Variants in CNTN1 observed in about 807,000 individuals in gnomAD.
CNTN1 encodes the protein contactin-1.
A neutral mutation model predicts 126.4 loss-of-function variants in CNTN1; 38 were observed. The observed-to-expected ratio is 0.30, with a 90% CI of 0.23 to 0.39. The LOEUF (loss-of-function observed/expected upper bound fraction) is 0.39, where lower values mean the gene tolerates loss of function less well. CNTN1 is among the 10% of genes least tolerant of loss of function. The pLI is 1.00. For synonymous variants in CNTN1, 413 were observed against 422.6 expected, an observed-to-expected ratio of 0.98 and a Z score of 0.28; for missense variants, 1,009 against 1,248.4, an observed-to-expected ratio of 0.81 and a Z score of 2.89.
chr12:40,771,920 C>A (rs1195976042), intron 1 of CNTN1, among the ~76,000 whole-genome samples: 4 of 151,926 alleles, frequency 2.6e-5, no homozygotes, highest in Admixed American at 2.6e-4. Flanking sequence ...ACACACATAG[C>A]AATTTGGACA....
intron 1 of CNTN1, among the ~76,000 whole-genome samples, chr12:40,899,894 G>T (rs1005158099): frequency 3.3e-5 from 5 of 152,116 alleles, no homozygotes; most frequent in African/African-American, 4.8e-5. Context: ...CAAAATACTG[G>T]TTTTTTAAAT....
intron 1 of CNTN1, among the ~76,000 whole-genome samples, chr12:40,717,340 T>G (rs1182228248): frequency 6.6e-6 from 1 of 152,200 alleles, no homozygotes; most frequent in Non-Finnish European, 1.5e-5. Flanking sequence ...CCTAAAATTA[T>G]AAATAATAAA....
At chr12:40,971,377 C>T (rs887867678) in intron 15 of CNTN1, 9 of 1,444,694 alleles carry the variant, frequency 6.2e-6, no homozygotes, top group Non-Finnish European at 8.5e-6. Flanking sequence ...TGCATGGCTT[C>T]CTGCCCCTAA....
chr12:40,886,360 G>A lies in CNTN1; in HGVS notation c.-76-21997G>A, dbSNP rs1045286382. 3.9e-5 allele frequency among the ~76,000 whole-genome samples: 6 copies of A among 152,180 alleles called. No individual in the cohort carries two copies. In the East Asian group the frequency reaches 1.2e-3, roughly 29 times the overall value. Reference sequence around the variant, plus strand: ...AATATTGATCTATCAAATCCTGTGTGTTGGTTTGCATTATTTAGGGGAGAT... The same window carrying A: ...AATATTGATCTATCAAATCCTGTGTATTGGTTTGCATTATTTAGGGGAGAT... On this transcript the variant is annotated intron_variant, in intron 1 of 23. Coordinates refer to ENST00000551295, the MANE Select transcript of CNTN1 (RefSeq NM_001843.4).
intron 1 of CNTN1, among the ~76,000 whole-genome samples, chr12:40,798,677 G>T (rs910239133): frequency 1.3e-5 from 2 of 151,914 alleles, no homozygotes; most frequent in Non-Finnish European, 2.9e-5. Flanking sequence ...CTTATAAGTG[G>T]GAGCTTAATG....
intron 6 of CNTN1, among the ~76,000 whole-genome samples, chr12:40,929,353 C>CAAA (rs746133164): frequency 7.4e-6 from 1 of 134,962 alleles, no homozygotes; most frequent in African/African-American, 2.6e-5. Context: ...CACACACACA[C>CAAA]AAAAAAAAAA....
intron 23 of CNTN1, among the ~76,000 whole-genome samples, chr12:41,051,400 C>G (rs1198663601): frequency 2.0e-5 from 3 of 151,842 alleles, no homozygotes; most frequent in Admixed American, 1.3e-4. Flanking sequence ...ATCCACCCAC[C>G]TCGGCCTCCC....
chr12:40,833,334 G>T (rs1941928577), intron 1 of CNTN1, among the ~76,000 whole-genome samples: 1 of 152,142 alleles, frequency 6.6e-6, no homozygotes, highest in Non-Finnish European at 1.5e-5. Flanking sequence ...GGCCTCAGAT[G>T]ATCTGCCCAC....
At chr12:40,718,912 T>A (rs552448155) in intron 1 of CNTN1, among the ~76,000 whole-genome samples, 2 of 152,298 alleles carry the variant, frequency 1.3e-5, no homozygotes, top group African/African-American at 4.8e-5. Flanking sequence ...GATTTTTTTT[T>A]TTCCCATTAG....
chr12:40,992,661 G>A (rs553800794), intron 16 of CNTN1, among the ~76,000 whole-genome samples: 12 of 152,106 alleles, frequency 7.9e-5, no homozygotes, highest in Admixed American at 7.9e-4. Flanking sequence ...AAGTAAAAAG[G>A]ATATAAACAT....
In CNTN1 at chr12:40,905,134, G is replaced by A. The variant is rs77317516; in HGVS notation, c.-76-3223G>A. Reference sequence around the variant, plus strand: ...TTCCCTGTACACATTTATGCATTTTGGCACATGTTCCCATATACTGTGGTC... The same window carrying A: ...TTCCCTGTACACATTTATGCATTTTAGCACATGTTCCCATATACTGTGGTC... On this transcript the variant is annotated intron_variant, in intron 1 of 23. Transcript: ENST00000551295. 5.2e-3 allele frequency among the ~76,000 whole-genome samples: 793 copies of A among 152,288 alleles called. 9 individuals carry two copies. The highest frequency in any genetic ancestry group is 0.014 in the Admixed American group (220 of 15,296).
chr12:40,898,025 T>G (rs575486555), intron 1 of CNTN1, among the ~76,000 whole-genome samples: 1 of 152,326 alleles, frequency 6.6e-6, no homozygotes, highest in Non-Finnish European at 1.5e-5. Context: ...TGACCTTTAT[T>G]ATTCTCCTTT....
chr12:40,918,528 A>T, intron 3 of CNTN1, 111 bp from the exon 4 acceptor site: 1 of 971,118 alleles, frequency 1.0e-6, no homozygotes, highest in Non-Finnish European at 1.6e-6. Context: ...GTTTTGAATT[A>T]AAATGGAGAT....
chr12:41,039,860 A>G (rs1949357835), intron 23 of CNTN1, among the ~76,000 whole-genome samples: 1 of 152,024 alleles, frequency 6.6e-6, no homozygotes, highest in Admixed American at 6.6e-5. Flanking sequence ...TGCTGAACAG[A>G]GTCAGTATTA....
intron 15 of CNTN1, among the ~76,000 whole-genome samples, chr12:40,975,868 A>G (rs546303270): frequency 6.6e-6 from 1 of 152,280 alleles, no homozygotes; most frequent in South Asian, 2.1e-4. Context: ...GCTGAGCACA[A>G]TTAGTGGTAT....
intron 6 of CNTN1, among the ~76,000 whole-genome samples, chr12:40,926,232 G>A (rs1391926799): frequency 1.4e-5 from 2 of 141,914 alleles, no homozygotes; most frequent in Admixed American, 7.1e-5. Flanking sequence ...TATAATGCAG[G>A]GAAGTGGGGA....
At chr12:41,022,638 G>A (rs752634399) in intron 20 of CNTN1, among the ~76,000 whole-genome samples, 5 of 152,170 alleles carry the variant, frequency 3.3e-5, no homozygotes, top group Non-Finnish European at 7.3e-5. Flanking sequence ...TGATGTTAAT[G>A]ATGAAAAGAC....
intron 17 of CNTN1, 142 bp from the exon 18 acceptor site, chr12:41,014,086 G>A (rs560903497): frequency 5.6e-6 from 4 of 713,210 alleles, no homozygotes; most frequent in Middle Eastern, 2.5e-4. Flanking sequence ...TTATAATTGA[G>A]TGGATCATTT....
rs539159286 is a variant in CNTN1 at position 40,993,391 on chromosome 12, G to A, written c.2113+122G>A. On this transcript the variant is annotated intron_variant, in intron 17 of 23. Transcript: ENST00000551295. ...TAAGTGATTCATCTGAAAAGCATGTGTGTGTATTTCACTATCAAGACAGTC... is the reference window on the plus strand; with the variant it reads ...TAAGTGATTCATCTGAAAAGCATGTATGTGTATTTCACTATCAAGACAGTC... 1.1e-4 allele frequency: 88 copies of A among 816,340 alleles called. No homozygotes were observed. The African/African-American group carries it at 1.2e-3, about 11-fold the overall frequency. The allele number at this position is 816,340 out of a possible 1,614,324, so 50.6% of individuals were successfully genotyped here. A position where few individuals can be genotyped will look rare whatever the true frequency, so the allele number is the denominator to read the frequency against.
Sources: gnomAD v4.1 joint callset for allele counts (sites outside exome capture counted in the v4.1 genomes callset) on GRCh38, gnomAD v4.1.1 for gene constraint, MANE v1.5 for transcripts, NCBI Gene and HGNC (gene_info 2026-07-23, HGNC 2026-07-21) for gene names.